The following RALYL variants were observed in gnomAD, a reference collection of about 807,000 sequenced individuals.
The protein encoded by RALYL is RALY RNA binding protein like, also known as RNA-binding Raly-like protein.
Under a neutral mutation model 35.1 loss-of-function variants are expected in RALYL, and 29 were observed. That is an observed-to-expected ratio of 0.83 (90% CI 0.61 to 1.13). The LOEUF is 1.13. RALYL is among the 50% of genes most tolerant of loss of function. The pLI, the probability that RALYL is intolerant of heterozygous loss-of-function variation, is 0.00. For synonymous variants in RALYL, 120 were observed against 127.6 expected, an observed-to-expected ratio of 0.94 and a Z score of 0.40; for missense variants, 359 against 360.4, an observed-to-expected ratio of 1.00 and a Z score of 0.03.
intron 1 of RALYL, among the ~76,000 whole-genome samples, chr8:84,188,958 G>A (rs540009362): frequency 2.0e-5 from 3 of 152,182 alleles, no homozygotes; most frequent in Admixed American, 1.3e-4. Flanking sequence ...CTATTTTTCT[G>A]GGACTGAGTC....
At chr8:84,532,942 C>T (rs1183823400) in intron 2 of RALYL, among the ~76,000 whole-genome samples, 1 of 151,986 alleles carries the variant, frequency 6.6e-6, no homozygotes. Context: ...TTATTCTTAG[C>T]TTCTGTCTTT....
intron 2 of RALYL, among the ~76,000 whole-genome samples, chr8:84,631,002 A>G (rs564033440): frequency 1.3e-5 from 2 of 152,188 alleles, no homozygotes; most frequent in South Asian, 2.1e-4. Flanking sequence ...TGAACCTGAC[A>G]CTAAAACCAG....
intron 3 of RALYL, among the ~76,000 whole-genome samples, chr8:84,793,738 A>C (rs1278984481): frequency 6.6e-6 from 1 of 152,162 alleles, no homozygotes; most frequent in Non-Finnish European, 1.5e-5. Context: ...TGGCAGTTTA[A>C]ATAATTACAT....
chr8:84,498,841 A>C (rs2056363055), intron 1 of RALYL, among the ~76,000 whole-genome samples: 1 of 152,160 alleles, frequency 6.6e-6, no homozygotes, highest in African/African-American at 2.4e-5. Context: ...AGGAGTTAGA[A>C]AAAATTTTAA....
chr8:84,535,021 A>G (rs2059504920), intron 2 of RALYL, among the ~76,000 whole-genome samples: 1 of 152,244 alleles, frequency 6.6e-6, no homozygotes, highest in Non-Finnish European at 1.5e-5. Flanking sequence ...AACTTCCTAC[A>G]CATTCCTTAA....
At chr8:84,405,112 C>T (rs2043330157) in intron 1 of RALYL, among the ~76,000 whole-genome samples, 1 of 152,136 alleles carries the variant, frequency 6.6e-6, no homozygotes, top group African/African-American at 2.4e-5. Flanking sequence ...TCCTGAATGA[C>T]TACTGGGTAA....
chr8:84,639,578 G>T (rs1284122327), intron 2 of RALYL, among the ~76,000 whole-genome samples: 3 of 151,936 alleles, frequency 2.0e-5, no homozygotes, highest in African/African-American at 7.2e-5. Context: ...CATTCAGTCT[G>T]CTGGGGGACT....
In RALYL at chr8:84,337,832, A is replaced by G. The variant is rs538432550; in HGVS notation, c.-24+153408A>G. 2.6e-5 allele frequency among the ~76,000 whole-genome samples: 4 copies of G among 152,178 alleles called. No individual in the cohort carries two copies. In the East Asian group the frequency reaches 7.7e-4, roughly 29 times the overall value. ...TCAACTCACCTTTTAAATGCATAGA[A>G]TTTTCCCCTTATTCTCTTTCTACAT... On this transcript the variant is annotated intron_variant, in intron 1 of 8. Transcript: ENST00000521268.
intron 2 of RALYL, among the ~76,000 whole-genome samples, chr8:84,643,808 A>G (rs1005432889): frequency 6.6e-6 from 1 of 152,064 alleles, no homozygotes; most frequent in Non-Finnish European, 1.5e-5. Flanking sequence ...GGGGTTTAAA[A>G]AGAGGAACTT....
At chr8:84,431,683 A>T (rs1327177510) in intron 1 of RALYL, among the ~76,000 whole-genome samples, 1 of 152,148 alleles carries the variant, frequency 6.6e-6, no homozygotes, top group African/African-American at 2.4e-5. Flanking sequence ...ACTCACCTAC[A>T]ATAATGTCCT....
chr8:84,668,968 T>C (rs1832645349), intron 2 of RALYL, among the ~76,000 whole-genome samples: 1 of 152,002 alleles, frequency 6.6e-6, no homozygotes, highest in South Asian at 2.1e-4. Context: ...CATCCATCCA[T>C]CCATCCATCC....
intron 2 of RALYL, among the ~76,000 whole-genome samples, chr8:84,543,457 T>C (rs1395895293): frequency 6.6e-6 from 1 of 151,642 alleles, no homozygotes. Context: ...CTTATTTATG[T>C]AACCAAATAC....
In RALYL at chr8:84,555,075, T is replaced by C. The variant is rs1335394174; in HGVS notation, c.256+25498T>C. Among the ~76,000 whole-genome samples the C allele has an allele frequency of 3.3e-5, 5 of 152,210 alleles. No homozygotes were observed. In the East Asian group the frequency reaches 9.7e-4, roughly 30 times the overall value. On this transcript the variant is annotated intron_variant, in intron 2 of 8. Coordinates refer to ENST00000521268, the MANE Select transcript of RALYL (RefSeq NM_173848.7). ...GCGGGCAGATCACGAGGTCAGGCGT[T>C]CAAGACCAGCCTGACCAACATGGTG...
intron 1 of RALYL, among the ~76,000 whole-genome samples, chr8:84,376,765 C>A (rs1856987190): frequency 6.6e-6 from 1 of 151,828 alleles, no homozygotes; most frequent in Non-Finnish European, 1.5e-5. Flanking sequence ...AGGGTATTTT[C>A]CTGTCTTTCT....
chr8:84,918,783 A>G (rs1360305188), intron 8 of RALYL, among the ~76,000 whole-genome samples: 1 of 152,120 alleles, frequency 6.6e-6, no homozygotes. Context: ...CATGTGGTTA[A>G]TAATACCTAC....
At chr8:84,540,889 A>C (rs916209773) in intron 2 of RALYL, among the ~76,000 whole-genome samples, 2 of 151,984 alleles carry the variant, frequency 1.3e-5, no homozygotes, top group Non-Finnish European at 2.9e-5. Context: ...GTTATGGAAA[A>C]ATGAGTTTTC....
chr8:84,907,531 A>T (rs1846738744), intron 8 of RALYL, among the ~76,000 whole-genome samples: 2 of 152,140 alleles, frequency 1.3e-5, no homozygotes, highest in Admixed American at 1.3e-4. Context: ...GATTTTAGAA[A>T]GATTAAGTAA....
intron 2 of RALYL, among the ~76,000 whole-genome samples, chr8:84,604,442 A>T (rs1184611263): frequency 6.6e-6 from 1 of 152,150 alleles, no homozygotes; most frequent in Admixed American, 6.6e-5. Context: ...TGTGAGGCTG[A>T]TGTGAAATGT....
At chr8:84,787,117 G>A (rs183308411) in intron 3 of RALYL, among the ~76,000 whole-genome samples, 38 of 152,096 alleles carry the variant, frequency 2.5e-4, no homozygotes, top group Non-Finnish European at 4.1e-4. Flanking sequence ...CCATCAACCC[G>A]TCATCTACAT....
Sources: gnomAD v4.1 joint callset for allele counts (sites outside exome capture counted in the v4.1 genomes callset) on GRCh38, gnomAD v4.1.1 for gene constraint, MANE v1.5 for transcripts, NCBI Gene and HGNC (gene_info 2026-07-23, HGNC 2026-07-21) for gene names.